MAD1L1: variants seen among roughly 807,000 people sequenced by gnomAD.
The protein encoded by MAD1L1 is mitotic spindle assembly checkpoint protein MAD1.
A neutral mutation model predicts 96.9 loss-of-function variants in MAD1L1; 95 were observed. That is an observed-to-expected ratio of 0.98 (90% CI 0.83 to 1.16). MAD1L1 has a LOEUF of 1.16. Ranked by LOEUF, MAD1L1 falls within the 50% of genes most tolerant of loss-of-function variation. The probability of loss-of-function intolerance (pLI) is 0.00; values close to 1 mark genes in which losing one functional copy is unlikely to be tolerated. For missense variants in MAD1L1, 1,007 were observed against 954.4 expected (o/e 1.06, Z -0.73); for synonymous variants, 473 against 396.6 (o/e 1.19, Z -2.29).
chr7:2,133,163 C>T (rs567140718), intron 11 of MAD1L1, among the ~76,000 whole-genome samples: 161 of 150,252 alleles, frequency 1.1e-3, no homozygotes, highest in African/African-American at 3.8e-3. Context: ...TGTGCTTCTC[C>T]TTCACCCACG....
At chr7:2,232,625 C>T (rs1308678058) in intron 1 of MAD1L1, among the ~76,000 whole-genome samples, 1 of 152,166 alleles carries the variant, frequency 6.6e-6, no homozygotes, top group Non-Finnish European at 1.5e-5. Context: ...AGGCGAGGGG[C>T]CCGCTGTCCC....
At chr7:2,032,318 G>A (rs1025700502) in intron 12 of MAD1L1, among the ~76,000 whole-genome samples, 1 of 152,218 alleles carries the variant, frequency 6.6e-6, no homozygotes, top group Non-Finnish European at 1.5e-5. Context: ...AGGGGAAGGC[G>A]CGCGCCCCAG....
At chr7:2,049,087 A>G (rs1356765515) in intron 12 of MAD1L1, among the ~76,000 whole-genome samples, 1 of 152,220 alleles carries the variant, frequency 6.6e-6, no homozygotes, top group African/African-American at 2.4e-5. Flanking sequence ...ATTTAAAAAT[A>G]TTTTCAAAGC....
chr7:1,923,771 G>T (rs1788938546), intron 17 of MAD1L1, among the ~76,000 whole-genome samples: 1 of 152,254 alleles, frequency 6.6e-6, no homozygotes, highest in Non-Finnish European at 1.5e-5. Context: ...GCTCAGAGTG[G>T]CTCTGGAAGG....
intron 18 of MAD1L1, among the ~76,000 whole-genome samples, chr7:1,828,802 C>G (rs772282271): frequency 3.3e-5 from 5 of 152,158 alleles, no homozygotes; most frequent in Non-Finnish European, 7.3e-5. Context: ...CTAGGGCTGA[C>G]CTGACGTCAG....
At chr7:1,988,962 A>G (rs969239848) in intron 14 of MAD1L1, among the ~76,000 whole-genome samples, 1 of 152,226 alleles carries the variant, frequency 6.6e-6, no homozygotes, top group African/African-American at 2.4e-5. Context: ...CAAGACTGAG[A>G]GCCCTTCCTG....
chr7:2,049,853 A>G (rs1488355892), intron 12 of MAD1L1, among the ~76,000 whole-genome samples: 166 of 131,342 alleles, frequency 1.3e-3, no homozygotes, highest in East Asian at 2.6e-3. Context: ...ACACGTTCAC[A>G]GGGCACCTCA....
At position 1,887,002 on chromosome 7, in the gene MAD1L1, C is replaced by T. The variant is rs1363493699; in HGVS notation, c.1998+11198G>A. The stretch of plus-strand genomic sequence containing the variant: ...GCTGTCAGTGACCGCATGGCAGCGG[C>T]AGGGAGAACAGGAAGAAGACTCCAC... On this transcript the variant is annotated intron_variant, in intron 18 of 18. Transcript: ENST00000265854. Among the ~76,000 whole-genome samples the T allele has an allele frequency of 5.3e-5, 8 of 152,160 alleles. 1 individual carries two copies. Among genetic ancestry groups the T allele is most frequent in the African/African-American group, 1.2e-4 (5 of 41,458 alleles).
intron 11 of MAD1L1, among the ~76,000 whole-genome samples, chr7:2,123,264 CA>C (rs1361617570): frequency 7.1e-6 from 1 of 140,584 alleles, no homozygotes; most frequent in Non-Finnish European, 1.5e-5. Flanking sequence ...GAGATCGGGC[CA>C]CTGCTCTCCA....
At chr7:1,891,173 A>G (rs1249854783) in intron 18 of MAD1L1, among the ~76,000 whole-genome samples, 1 of 152,210 alleles carries the variant, frequency 6.6e-6, no homozygotes, top group Non-Finnish European at 1.5e-5. Context: ...CTGCTATACA[A>G]AAACATTTTT....
chr7:1,856,535 A>T (rs751155067), intron 18 of MAD1L1, among the ~76,000 whole-genome samples: 3 of 152,148 alleles, frequency 2.0e-5, no homozygotes, highest in Non-Finnish European at 4.4e-5. Flanking sequence ...GTAATTTCTC[A>T]TTGGGGCCTG....
chr7:1,983,146 GCGCGCGCGCACACA>G (rs368091852), intron 14 of MAD1L1, among the ~76,000 whole-genome samples: 4,797 of 130,814 alleles, frequency 0.037, 92 homozygotes, highest in African/African-American at 0.069. Flanking sequence ...GCGCGCGCGC[GCGCGCGCGCACACA>G]CACACACACA....
At chr7:2,121,041 G>A (rs554363295) in intron 11 of MAD1L1, among the ~76,000 whole-genome samples, 41 of 152,314 alleles carry the variant, frequency 2.7e-4, no homozygotes, top group African/African-American at 9.6e-4. Context: ...GTCGCACGGT[G>A]ACGGCAGGGC....
At chr7:1,881,290 G>A (rs1158703936) in intron 18 of MAD1L1, among the ~76,000 whole-genome samples, 2 of 152,202 alleles carry the variant, frequency 1.3e-5, no homozygotes, top group African/African-American at 4.8e-5. Context: ...GGAACACTAA[G>A]CTTGTGGGAG....
At chr7:1,878,168 A>G (rs1160123764) in intron 18 of MAD1L1, among the ~76,000 whole-genome samples, 2 of 152,204 alleles carry the variant, frequency 1.3e-5, no homozygotes, top group Admixed American at 1.3e-4. Flanking sequence ...ATTAAATTAA[A>G]TGCATAATTT....
At chr7:1,877,440 T>C (rs996182099) in intron 18 of MAD1L1, among the ~76,000 whole-genome samples, 5 of 151,016 alleles carry the variant, frequency 3.3e-5, no homozygotes, top group African/African-American at 4.9e-5. Flanking sequence ...AATAAGCCAA[T>C]GTTGGAGAAA....
chr7:2,027,280 G>A (rs893377922), intron 12 of MAD1L1, among the ~76,000 whole-genome samples: 6 of 152,134 alleles, frequency 3.9e-5, no homozygotes, highest in African/African-American at 1.4e-4. Flanking sequence ...CCACCAAGCG[G>A]TTAAAGAAGA....
intron 10 of MAD1L1, among the ~76,000 whole-genome samples, chr7:2,157,349 C>T (rs1250863939): frequency 1.3e-5 from 2 of 152,308 alleles, no homozygotes; most frequent in East Asian, 3.9e-4. Flanking sequence ...AGGGCTCCTC[C>T]CCTTCATGTT....
At chr7:2,118,821 G>A (rs562472069) in intron 11 of MAD1L1, among the ~76,000 whole-genome samples, 1 of 152,308 alleles carries the variant, frequency 6.6e-6, no homozygotes, top group East Asian at 1.9e-4. Flanking sequence ...CATTTCACAG[G>A]TGACGTGAGG....
Sources: gnomAD v4.1 joint callset for allele counts (sites outside exome capture counted in the v4.1 genomes callset) on GRCh38, gnomAD v4.1.1 for gene constraint, MANE v1.5 for transcripts, NCBI Gene and HGNC (gene_info 2026-07-23, HGNC 2026-07-21) for gene names.